COQ8B: variants seen among roughly 807,000 people sequenced by gnomAD.
The protein encoded by COQ8B is coenzyme Q8B.
A neutral mutation model predicts 62.0 loss-of-function variants in COQ8B; 44 were observed. The ratio of observed to expected loss-of-function variants is 0.71; its 90% CI spans 0.56 to 0.91. The LOEUF (loss-of-function observed/expected upper bound fraction) is 0.91. COQ8B is among the 40% of genes least tolerant of loss of function. COQ8B has a pLI of 0.00. For synonymous variants in COQ8B, 252 were observed against 289.9 expected (o/e 0.87, Z 1.33); for missense variants, 649 against 731.6 (o/e 0.89, Z 1.30).
chr19:40,696,445 T>A (rs915616358), intron 12 of COQ8B, among the ~76,000 whole-genome samples: 8 of 152,002 alleles, frequency 5.3e-5, no homozygotes, highest in Non-Finnish European at 1.0e-4. Flanking sequence ...GGTGGGTGGA[T>A]CATGAGGTCA....
chr19:40,705,680 G>A (rs1489920481), intron 5 of COQ8B, among the ~76,000 whole-genome samples: 1 of 152,132 alleles, frequency 6.6e-6, no homozygotes, highest in African/African-American at 2.4e-5. Context: ...TTGTTGGCTC[G>A]CGCCTATAAT....
Position 40,700,304 on chromosome 19 carries a change from G to A in COQ8B, c.1035+6C>T. On this transcript the variant is annotated splice_donor_region_variant and intron_variant, in intron 11 of 14. Transcript: ENST00000324464. ...GCCCTTCCCACTGTGCCACCAGACAGCATACCTGGTTCCGCAGGTCCTGGC... is the reference window on the plus strand; with the variant it reads ...GCCCTTCCCACTGTGCCACCAGACAACATACCTGGTTCCGCAGGTCCTGGC... 1.2e-6 allele frequency: 2 copies of A among 1,613,326 alleles called. No individual in the cohort carries two copies. Among genetic ancestry groups the A allele is most frequent in the Non-Finnish European group, 1.7e-6 (2 of 1,179,538 alleles).
At chr19:40,714,709 G>T in intron 1 of COQ8B, 74 bp from the exon 2 acceptor site, 2 of 1,401,128 alleles carry the variant, frequency 1.4e-6, no homozygotes, top group Non-Finnish European at 1.9e-6. Flanking sequence ...GTTCCTCTGT[G>T]TCCACCCTCT....
intron 10 of COQ8B, 36 bp from the exon 11 acceptor site, chr19:40,700,487 G>A (rs1177772099): frequency 3.1e-6 from 5 of 1,601,228 alleles, no homozygotes; most frequent in Non-Finnish European, 3.4e-6. Context: ...GGGACTTCGT[G>A]CTTCAGGCTT....
intron 10 of COQ8B, among the ~76,000 whole-genome samples, chr19:40,702,237 G>T (rs1008880943): frequency 6.6e-6 from 1 of 152,182 alleles, no homozygotes; most frequent in Non-Finnish European, 1.5e-5. Flanking sequence ...GTGCAGAAGG[G>T]ATGCTGTGGA....
intron 10 of COQ8B, 31 bp from the exon 11 acceptor site, chr19:40,700,482 T>TTCC: frequency 1.2e-6 from 2 of 1,605,308 alleles, no homozygotes; most frequent in Non-Finnish European, 1.7e-6. Flanking sequence ...GGAAGGGGAC[T>TTCC]TCGTGCTTCA....
intron 5 of COQ8B, among the ~76,000 whole-genome samples, chr19:40,706,283 G>C (rs73045487): frequency 0.1 from 15,522 of 152,228 alleles, 1,116 homozygotes; most frequent in Non-Finnish European, 0.16. Flanking sequence ...CCATTCAGAG[G>C]GGTCTGAGAG....
At chr19:40,716,217 C>T (rs2082184201) in intron 1 of COQ8B, among the ~76,000 whole-genome samples, 1 of 152,128 alleles carries the variant, frequency 6.6e-6, no homozygotes, top group Non-Finnish European at 1.5e-5. Context: ...CCAATGTCTC[C>T]CCCAGTTGAC....
intron 3 of COQ8B, 49 bp downstream of exon 3, chr19:40,714,229 G>A (rs2082166604): frequency 6.2e-7 from 1 of 1,606,824 alleles, no homozygotes; most frequent in Non-Finnish European, 8.5e-7. Context: ...AAGCTCAGGG[G>A]GCCAGCAGTA....
At chr19:40,693,920 A>T (rs541193618) in intron 13 of COQ8B, among the ~76,000 whole-genome samples, 1 of 152,050 alleles carries the variant, frequency 6.6e-6, no homozygotes, top group South Asian at 2.1e-4. Context: ...GAGGAGGGGG[A>T]TTCGGGATTA....
chr19:40,702,442 G>A (rs768206184), intron 10 of COQ8B, among the ~76,000 whole-genome samples, 158 bp downstream of exon 10: 2 of 152,154 alleles, frequency 1.3e-5, no homozygotes, highest in African/African-American at 2.4e-5. Context: ...GGGGGTAAGC[G>A]AAGTGATGGA....
intron 14 of COQ8B, among the ~76,000 whole-genome samples, chr19:40,692,640 C>A (rs565680735): frequency 6.6e-6 from 1 of 152,088 alleles, no homozygotes. Context: ...AGAGAAGCGG[C>A]CTTCGCCCCT....
At chr19:40,713,700 A>T (rs768397890) in intron 4 of COQ8B, among the ~76,000 whole-genome samples, 16 of 150,490 alleles carry the variant, frequency 1.1e-4, no homozygotes, top group Admixed American at 3.3e-4. Flanking sequence ...TGGGCAACAG[A>T]GCGAGACTCT....
intron 4 of COQ8B, among the ~76,000 whole-genome samples, chr19:40,712,412 G>GA (rs797020409): frequency 0.12 from 12,104 of 103,988 alleles, 774 homozygotes; most frequent in East Asian, 0.26. Flanking sequence ...GTCTCCCTAA[G>GA]AAAAAAAAAA....
intron 7 of COQ8B, chr19:40,704,381 G>A (rs74366849): frequency 0.018 from 2,822 of 153,660 alleles, 84 homozygotes; most frequent in African/African-American, 0.063. Flanking sequence ...GAAGTCCTGA[G>A]CTCAAATGAT....
intron 12 of COQ8B, among the ~76,000 whole-genome samples, chr19:40,697,875 G>GGC (rs66466332): frequency 3.9e-4 from 40 of 103,466 alleles, no homozygotes; most frequent in African/African-American, 8.5e-4. Flanking sequence ...GAGAGAGAGA[G>GGC]AGTTTCTACT....
chr19:40,705,017 C>A (rs775738775), intron 7 of COQ8B, 79 bp downstream of exon 7: 1 of 1,332,954 alleles, frequency 7.5e-7, no homozygotes, highest in Non-Finnish European at 1.0e-6. Context: ...GGGAGTGGGG[C>A]AGTGAAGCCA....
At chr19:40,695,682 T>A (rs557268131) in intron 13 of COQ8B, among the ~76,000 whole-genome samples, 3 of 152,206 alleles carry the variant, frequency 2.0e-5, no homozygotes, top group African/African-American at 7.2e-5. Flanking sequence ...GAATCCCAAG[T>A]CTGCTGTGAT....
At position 40,700,093 on chromosome 19, in the gene COQ8B, A is replaced by C; in HGVS notation, c.1117T>G (p.Phe373Val). Residue 373 changes from phenylalanine (F) to valine (V), a missense_variant, in exon 12 of 15, where the codon TTC becomes GTC. Transcript: ENST00000324464. ...TGGTGGCTGGAGGCATCATACAGGA[A>C]GTTGGCCCAGTTGGGGTCAGTCTGC... is the stretch of plus-strand genomic sequence containing the variant. ...FMQTDPNWAN[F>V]LYDASSHQVT... 6.2e-7 allele frequency: 1 copy of C among 1,614,246 alleles called. No individual in the cohort carries two copies. Among genetic ancestry groups the C allele is most frequent in the Non-Finnish European group, 8.5e-7 (1 of 1,180,030 alleles).
Sources: gnomAD v4.1 joint callset for allele counts (sites outside exome capture counted in the v4.1 genomes callset) on GRCh38, gnomAD v4.1.1 for gene constraint, MANE v1.5 for transcripts, NCBI Gene and HGNC (gene_info 2026-07-23, HGNC 2026-07-21) for gene names.